TMEM132D: variants seen among roughly 807,000 people sequenced by gnomAD.
The protein encoded by TMEM132D is transmembrane protein 132D.
TMEM132D carries 21 observed loss-of-function variants against 62.3 expected under a neutral mutation model. That is an observed-to-expected ratio of 0.34 (90% confidence interval 0.24 to 0.49). TMEM132D has a LOEUF of 0.49. Ranked by LOEUF, TMEM132D falls within the 20% of genes least tolerant of loss-of-function variation. The pLI is 0.99. For missense variants in TMEM132D, 1,346 were observed against 1,402.8 expected (o/e 0.96, Z 0.65); for synonymous variants, 621 against 575.6 (o/e 1.08, Z -1.13).
At chr12:129,303,086 C>A (rs1213904511) in intron 4 of TMEM132D, among the ~76,000 whole-genome samples, 2 of 152,172 alleles carry the variant, frequency 1.3e-5, no homozygotes, top group African/African-American at 2.4e-5. Flanking sequence ...GGCTCCATAG[C>A]CAACACATCA....
chr12:129,517,469 A>T (rs1413832093), intron 3 of TMEM132D, among the ~76,000 whole-genome samples: 1 of 152,258 alleles, frequency 6.6e-6, no homozygotes, highest in East Asian at 1.9e-4. Flanking sequence ...GTCTACAGAT[A>T]AAGGGGGTGA....
At chr12:129,486,274 T>A (rs1385558106) in intron 3 of TMEM132D, among the ~76,000 whole-genome samples, 1 of 152,240 alleles carries the variant, frequency 6.6e-6, no homozygotes, top group Non-Finnish European at 1.5e-5. Flanking sequence ...TTTGTCTTTT[T>A]CTTTCCTTTA....
intron 5 of TMEM132D, among the ~76,000 whole-genome samples, chr12:129,196,505 G>C (rs2135558971): frequency 6.6e-6 from 1 of 152,298 alleles, no homozygotes; most frequent in Non-Finnish European, 1.5e-5. Context: ...AGATGCCCAT[G>C]ATTGGCAGTA....
At chr12:129,591,264 A>G (rs1878181717) in intron 2 of TMEM132D, among the ~76,000 whole-genome samples, 1 of 152,194 alleles carries the variant, frequency 6.6e-6, no homozygotes, top group African/African-American at 2.4e-5. Context: ...GGTAACCCTT[A>G]AATGACAACA....
intron 4 of TMEM132D, among the ~76,000 whole-genome samples, chr12:129,233,683 A>T (rs1204001876): frequency 2.0e-5 from 3 of 151,992 alleles, no homozygotes; most frequent in Non-Finnish European, 2.9e-5. Context: ...CTGGAGTGTC[A>T]TGGTGTGATC....
chr12:129,076,585 C>G (rs1207699246), intron 8 of TMEM132D, among the ~76,000 whole-genome samples: 1 of 152,230 alleles, frequency 6.6e-6, no homozygotes, highest in Non-Finnish European at 1.5e-5. Context: ...GGACTACCTG[C>G]TAAGCGGATA....
At chr12:129,466,250 C>T (rs1207709067) in intron 3 of TMEM132D, among the ~76,000 whole-genome samples, 3 of 143,828 alleles carry the variant, frequency 2.1e-5, no homozygotes, top group African/African-American at 7.7e-5. Context: ...ACACGGAGAA[C>T]TGGTATAACA....
At chr12:129,736,429 T>A (rs1213134191) in intron 1 of TMEM132D, among the ~76,000 whole-genome samples, 1 of 152,148 alleles carries the variant, frequency 6.6e-6, no homozygotes, top group East Asian at 1.9e-4. Context: ...AAATAAAATG[T>A]CAAATAATTC....
chr12:129,563,040 A>G (rs1349611718), intron 2 of TMEM132D, among the ~76,000 whole-genome samples: 1 of 152,168 alleles, frequency 6.6e-6, no homozygotes, highest in Non-Finnish European at 1.5e-5. Flanking sequence ...TATACTTTTC[A>G]TCAAGATAGC....
chr12:129,694,567 C>G (rs1881150006), intron 2 of TMEM132D, among the ~76,000 whole-genome samples: 1 of 152,198 alleles, frequency 6.6e-6, no homozygotes, highest in African/African-American at 2.4e-5. Flanking sequence ...TGAGTCTTGG[C>G]CAATCCCAGT....
At chr12:129,560,270 C>CA (rs1388863352) in intron 2 of TMEM132D, among the ~76,000 whole-genome samples, 12 of 146,084 alleles carry the variant, frequency 8.2e-5, no homozygotes, top group Admixed American at 7.5e-4. Flanking sequence ...CTTTTGTTTT[C>CA]TTTTTTTTTT....
At chr12:129,270,337 G>T (rs1880820579) in intron 4 of TMEM132D, among the ~76,000 whole-genome samples, 1 of 152,068 alleles carries the variant, frequency 6.6e-6, no homozygotes, top group African/African-American at 2.4e-5. Flanking sequence ...TAGAACACAG[G>T]GTACCACTTG....
intron 5 of TMEM132D, among the ~76,000 whole-genome samples, chr12:129,200,455 A>T (rs1460919222): frequency 6.6e-6 from 1 of 152,226 alleles, no homozygotes; most frequent in Non-Finnish European, 1.5e-5. Flanking sequence ...CAGGTGACAC[A>T]GGGAAAGTCT....
intron 4 of TMEM132D, among the ~76,000 whole-genome samples, chr12:129,258,757 C>T (rs1468088316): frequency 6.6e-6 from 1 of 152,134 alleles, no homozygotes; most frequent in Non-Finnish European, 1.5e-5. Flanking sequence ...ACATGGATCA[C>T]CTACTTTTAA....
rs377729994 is a variant in TMEM132D, at chr12:129,369,353, C to G, written c.1116-31536G>C. The stretch of plus-strand genomic sequence containing the variant: ...TAAAATTTCACTTGATTAAATTTAT[C>G]TGTTCCTCATGCTGCTTTTTTTTTT... On this transcript the variant is annotated intron_variant, in intron 3 of 8. Transcript: ENST00000422113. 2.1e-4 allele frequency among the ~76,000 whole-genome samples: 28 copies of G among 135,940 alleles called. No homozygotes were observed. The East Asian group carries it at 2.3e-3, about 11-fold the overall frequency. 89.2% of individuals were successfully genotyped at this position (135,940 alleles called of 152,430 possible).
intron 2 of TMEM132D, among the ~76,000 whole-genome samples, chr12:129,661,485 C>G (rs1387222582): frequency 6.6e-6 from 1 of 152,184 alleles, no homozygotes; most frequent in Admixed American, 6.5e-5. Flanking sequence ...ACCTATTAGT[C>G]CCTGCAGCCC....
chr12:129,901,451 C>T (rs1177152111), intron 1 of TMEM132D, among the ~76,000 whole-genome samples: 1 of 152,188 alleles, frequency 6.6e-6, no homozygotes, highest in African/African-American at 2.4e-5. Context: ...TCAGACTCTG[C>T]TAATTGCTGT....
chr12:129,632,369 A>G (rs940983728), intron 2 of TMEM132D, among the ~76,000 whole-genome samples: 4 of 152,172 alleles, frequency 2.6e-5, no homozygotes, highest in African/African-American at 9.7e-5. Flanking sequence ...TTCGGCAGTA[A>G]AAACAAGGAA....
chr12:129,081,855 C>T lies in TMEM132D; in HGVS notation c.1827G>A (p.Leu609=). The change falls in exon 7 of 9, where the codon CTG becomes CTA. Residue 609 remains leucine, a synonymous_variant. Transcript: ENST00000422113. ...GSDWQVDITE[L]INDFMQVEEP... Reference sequence around the variant, plus strand: ...CCTCCACCTGCATGAAGTCATTTATCAGCTCCGTGATGTCCACTTGCCAGT... The same window carrying T: ...CCTCCACCTGCATGAAGTCATTTATTAGCTCCGTGATGTCCACTTGCCAGT... 6.2e-7 allele frequency: 1 copy of T among 1,613,884 alleles called. No individual in the cohort carries two copies. Among genetic ancestry groups the T allele is most frequent in the South Asian group, 1.1e-5 (1 of 91,072 alleles).
Sources: allele counts gnomAD v4.1 joint callset (sites outside exome capture counted in the v4.1 genomes callset), GRCh38; gene constraint gnomAD v4.1.1; transcripts MANE v1.5; gene names NCBI Gene and HGNC (gene_info 2026-07-23, HGNC 2026-07-21).